The following CEP170B variants were observed in gnomAD, a reference collection of about 807,000 sequenced individuals.
CEP170B encodes the protein centrosomal protein of 170 kDa protein B.
Under a neutral mutation model 120.6 loss-of-function variants are expected in CEP170B, and 55 were observed. The observed-to-expected ratio is 0.46, with a 90% CI of 0.37 to 0.57. CEP170B has a LOEUF of 0.57. Among genes scored for constraint, CEP170B ranks in the 20% least tolerant of loss-of-function variants. The pLI is 0.00. For synonymous variants in CEP170B, 1,033 were observed against 954.5 expected, an observed-to-expected ratio of 1.08 and a Z score of -1.52; for missense variants, 2,212 against 2,253.3, an observed-to-expected ratio of 0.98 and a Z score of 0.37.
At chr14:104,889,540 G>A (rs774623060) in intron 12 of CEP170B, 80 bp from the exon 13 acceptor site, 8 of 1,596,308 alleles carry the variant, frequency 5.0e-6, no homozygotes, top group South Asian at 2.2e-5. Context: ...AGCAGGGCTC[G>A]GATTACACGT....
In CEP170B at chr14:104,880,377, G is replaced by C. The variant is rs373618030; in HGVS notation, c.424G>C (p.Glu142Gln). The change falls in exon 6 of 19, where the codon GAG becomes CAG. Residue 142 changes from glutamate (E) to glutamine (Q), a missense_variant. By Grantham distance (29) the Glu-to-Gln change is conservative. This residue lies in a region of CEP170B where 2,166 missense variants were observed against 2,166.7 expected (regional missense o/e 1.00). Coordinates refer to ENST00000414716, the MANE Select transcript of CEP170B (RefSeq NM_001112726.3). Reference sequence around the variant, plus strand: ...ACTGCCGGAACACACACCATACTGCGAGGCCTCGAACCCCAGGCCGGAGAA... The same window carrying C: ...ACTGCCGGAACACACACCATACTGCCAGGCCTCGAACCCCAGGCCGGAGAA... Reference protein sequence around the residue: ...EALPEHTPYCEASNPRPEKGD... With the variant: ...EALPEHTPYCQASNPRPEKGD... 1.9e-6 allele frequency: 3 copies of C among 1,612,622 alleles called. No homozygotes were observed. The highest frequency in any genetic ancestry group is 2.5e-6 in the Non-Finnish European group (3 of 1,179,666).
chr14:104,889,693 C>G lies in CEP170B; in HGVS notation c.3813C>G (p.Asp1271Glu), dbSNP rs574734380. 1.2e-6 allele frequency: 2 copies of G among 1,611,946 alleles called. No homozygotes were observed. Among genetic ancestry groups the G allele is most frequent in the Non-Finnish European group, 1.7e-6 (2 of 1,179,700 alleles). Residue 1271 changes from aspartate to glutamate, a missense_variant, in exon 13 of 19, where the codon GAC (aspartate) becomes GAG (glutamate). Coordinates refer to ENST00000414716, the MANE Select transcript of CEP170B (RefSeq NM_001112726.3). ...SRAPGPRDTD[D>E]DEEEPDPYGF... ...CCCCCGGCCCCCGGGACACGGACGA[C>G]GATGAGGAGGAGCCTGACCCTTATG...
chr14:104,894,340 GC>G lies in CEP170B; in HGVS notation c.4329del (p.Glu1444ArgfsTer7). On this transcript the variant is annotated frameshift_variant, in exon 17 of 19. Coordinates refer to ENST00000414716, the MANE Select transcript of CEP170B (RefSeq NM_001112726.3). LOFTEE classifies it high-confidence loss of function. ...GGAGGACCTGGAAGCCAGGATCAACGCCGAGAACGAGGTGCCCATCCTGAAG... is the reference window on the plus strand; with the variant it reads ...GGAGGACCTGGAAGCCAGGATCAACGCGAGAACGAGGTGCCCATCCTGAAG... The part of the protein sequence containing the change: ...AWEDLEARIN[A>X]ENEVPILKTS... 6.2e-7 allele frequency: 1 copy of G among 1,613,600 alleles called. No individual in the cohort carries two copies. Among genetic ancestry groups the G allele is most frequent in the Non-Finnish European group, 8.5e-7 (1 of 1,179,884 alleles).
chr14:104,886,298 G>A lies in CEP170B; in HGVS notation c.2059G>A (p.Gly687Arg), dbSNP rs763756468. The part of the protein sequence containing the change: ...LTEDGLGRRG[G>R]EPEGSLPVRM... ...AGAGGATGGCCTGGGACGTAGAGGCGGGGAGCCGGAGGGGTCCCTGCCTGT... is the reference window on the plus strand; with the variant it reads ...AGAGGATGGCCTGGGACGTAGAGGCAGGGAGCCGGAGGGGTCCCTGCCTGT... Residue 687 changes from glycine to arginine, a missense_variant, in exon 12 of 19, where the codon GGG becomes AGG. Around this residue, in one of 2 missense-constraint regions of CEP170B, gnomAD observed 2,166 missense variants for 2,166.7 expected, o/e 1.00. Coordinates refer to ENST00000414716, the MANE Select transcript of CEP170B (RefSeq NM_001112726.3). 197 of 1,537,606 alleles carry A rather than the reference G, an allele frequency of 1.3e-4. No individual in the cohort carries two copies. The highest frequency in any genetic ancestry group is 1.4e-4 in the Non-Finnish European group (162 of 1,146,694).
rs1256420891 is a variant in CEP170B at position 104,894,794 on chromosome 14, C to T, written c.4501C>T (p.Leu1501=). ...RSLASSAQPG[L]GKGRVAAQSP... Reference sequence around the variant, plus strand: ...CTTGGCCAGCTCTGCACAGCCGGGGCTGGGGAAGGGCCGCGTGGCTGCCCA... The same window carrying T: ...CTTGGCCAGCTCTGCACAGCCGGGGTTGGGGAAGGGCCGCGTGGCTGCCCA... The change falls in exon 19 of 19, where the codon CTG becomes TTG. Residue 1501 remains leucine (L), a synonymous_variant. Coordinates refer to ENST00000414716, the MANE Select transcript of CEP170B (RefSeq NM_001112726.3). The T allele has an allele frequency of 1.0e-5, 16 of 1,607,704 alleles. No individual in the cohort carries two copies. Among genetic ancestry groups the T allele is most frequent in the Non-Finnish European group, 1.3e-5 (15 of 1,179,098 alleles).
chr14:104,890,602 G>GGA (rs1896789626), intron 13 of CEP170B, among the ~76,000 whole-genome samples: 1 of 119,790 alleles, frequency 8.3e-6, no homozygotes, highest in Non-Finnish European at 1.8e-5. Context: ...GAGTGAGTGG[G>GGA]TGGATGGATG....
At chr14:104,890,429 A>AAT (rs1896767295) in intron 13 of CEP170B, among the ~76,000 whole-genome samples, 1 of 58,788 alleles carries the variant, frequency 1.7e-5, no homozygotes, top group African/African-American at 8.0e-5. Flanking sequence ...TGAATGGATG[A>AAT]GTGAGTGGGT....
intron 10 of CEP170B, 116 bp from the exon 11 acceptor site, chr14:104,885,924 G>A: frequency 3.3e-6 from 3 of 906,044 alleles, no homozygotes; most frequent in Non-Finnish European, 4.9e-6. Context: ...GCCCTGGGTG[G>A]CGCGCATGCG....
intron 12 of CEP170B, 147 bp from the exon 13 acceptor site, chr14:104,889,473 C>G (rs185407302): frequency 2.4e-5 from 37 of 1,523,462 alleles, no homozygotes; most frequent in East Asian, 7.4e-5. Flanking sequence ...CTGAGTGCTG[C>G]TTTGTTCTGT....
At chr14:104,894,649 G>C in intron 18 of CEP170B, 61 bp downstream of exon 18, 1 of 1,585,650 alleles carries the variant, frequency 6.3e-7, no homozygotes, top group Non-Finnish European at 8.6e-7. Context: ...GGGGAACCCT[G>C]ACTCACAGGG....
chr14:104,879,472 T>C (rs1566858098), intron 5 of CEP170B, among the ~76,000 whole-genome samples: 2 of 152,160 alleles, frequency 1.3e-5, no homozygotes, highest in Non-Finnish European at 2.9e-5. Flanking sequence ...GGCTGAAATC[T>C]GAAGGTCTTA....
chr14:104,872,459 T>C (rs1566852726), intron 2 of CEP170B, among the ~76,000 whole-genome samples: 5 of 101,552 alleles, frequency 4.9e-5, no homozygotes, highest in African/African-American at 2.9e-4. Context: ...TGTGTGTGCG[T>C]GTGGGTGTGC....
rs546157192 is a variant in CEP170B, at chr14:104,881,517, G to A, written c.472+1092G>A. ...GCAGGTCCGCCCAGAATGGAAGACC[G>A]CTGGGGACTGGGAAGCTTTCCAGAA... On this transcript the variant is annotated intron_variant, in intron 6 of 18. Coordinates refer to ENST00000414716, the MANE Select transcript of CEP170B (RefSeq NM_001112726.3). 5.3e-5 allele frequency among the ~76,000 whole-genome samples: 8 copies of A among 152,302 alleles called. No homozygotes were observed. In the South Asian group the frequency reaches 6.2e-4, roughly 12 times the overall value.
Position 104,865,368 on chromosome 14 carries a change from C to A in CEP170B, c.-173C>A, listed in dbSNP as rs1895151483. 7.1e-6 allele frequency: 1 copy of A among 141,754 alleles called. No homozygotes were observed. Among genetic ancestry groups the A allele is most frequent in the South Asian group, 2.2e-4 (1 of 4,614 alleles). 8.8% of individuals were successfully genotyped at this position (141,754 alleles called of 1,614,324 possible). A position where few individuals can be genotyped will look rare whatever the true frequency, so the allele number is the denominator to read the frequency against. ...CGGGCCTCGCCGGGCATGTCCTAGG[C>A]GGCGGCCCCGCCCAGCGCTCGGCCG... On this transcript the variant is annotated 5_prime_UTR_variant, in exon 1 of 19. Transcript: ENST00000414716. The surrounding 1 kb of genome is among the most constrained non-coding windows in gnomAD (Gnocchi z 6.7).
intron 2 of CEP170B, among the ~76,000 whole-genome samples, chr14:104,871,406 A>G (rs577030636): frequency 8.3e-6 from 1 of 119,810 alleles, no homozygotes; most frequent in African/African-American, 3.1e-5. Flanking sequence ...ACGCACAGAC[A>G]GGAATGCAGG....
intron 13 of CEP170B, 90 bp downstream of exon 13, chr14:104,889,848 C>A (rs1349371390): frequency 2.1e-6 from 3 of 1,410,802 alleles, no homozygotes; most frequent in African/African-American, 2.9e-5. Context: ...GCTGGGAGCT[C>A]CCTTCTTGAG....
rs1281068342 is a variant in CEP170B at position 104,883,289 on chromosome 14, C to T, written c.832C>T (p.Pro278Ser). The change falls in exon 8 of 19, where the codon CCT becomes TCT. Residue 278 changes from proline to serine, a missense_variant. Coordinates refer to ENST00000414716, the MANE Select transcript of CEP170B (RefSeq NM_001112726.3). ...CACCATCGAGTTTGATGACTGCAGC[C>T]CTGGCAAGATGAAGATCAAGGACCA... ...SFTIEFDDCS[P>S]GKMKIKDHIT... 3 of 1,612,052 alleles carry T rather than the reference C, an allele frequency of 1.9e-6. No homozygotes were observed. The highest frequency in any genetic ancestry group is 1.7e-4 in the Middle Eastern group (1 of 6,058).
rs1566849086 is a variant in CEP170B, at chr14:104,868,586, T to G, written c.105+31T>G. The G allele has an allele frequency of 9.1e-6, 14 of 1,536,966 alleles. No homozygotes were observed. Among genetic ancestry groups the G allele is most frequent in the Non-Finnish European group, 1.2e-5 (14 of 1,138,708 alleles). On this transcript the variant is annotated intron_variant, in intron 2 of 18. Transcript: ENST00000414716. This position sits in a 1 kb window ranked among gnomAD's most constrained non-coding sequence, Gnocchi z 5.9. ...CAGGGAGCGCTTGGGGCCAGGAGGGTAGGGGGTAGACAGTCTGTCCCTGTG... is the reference window on the plus strand; with the variant it reads ...CAGGGAGCGCTTGGGGCCAGGAGGGGAGGGGGTAGACAGTCTGTCCCTGTG...
At position 104,887,351 on chromosome 14, in the gene CEP170B, C is replaced by G. The variant is rs747182740; in HGVS notation, c.3112C>G (p.Arg1038Gly). ...AGCCATAAGGCGTGGCCACAGGCCC[C>G]GAGGGTCCCTGGATTGGCCCAGTGA... ...RSAIRRGHRPRGSLDWPSEER... is the reference protein window; with the variant it reads ...RSAIRRGHRPGGSLDWPSEER... Residue 1038 changes from arginine (R) to glycine (G), a missense_variant, in exon 12 of 19, where the codon CGA becomes GGA. By Grantham distance (125) the Arg-to-Gly change is moderately radical. Around this residue, in one of 2 missense-constraint regions of CEP170B, gnomAD observed 2,166 missense variants for 2,166.7 expected, o/e 1.00. Transcript: ENST00000414716. 159 of 1,611,564 alleles carry G rather than the reference C, an allele frequency of 9.9e-5. No individual in the cohort carries two copies. The highest frequency in any genetic ancestry group is 1.3e-4 in the Non-Finnish European group (153 of 1,179,508).
Sources: allele counts gnomAD v4.1 joint callset (sites outside exome capture counted in the v4.1 genomes callset), GRCh38; gene constraint gnomAD v4.1.1; regional missense constraint gnomAD v4.1.1; non-coding constraint Gnocchi (gnomAD v3.1); transcripts MANE v1.5; gene names NCBI Gene and HGNC (gene_info 2026-07-23, HGNC 2026-07-21).